The following COL25A1 variants were observed in gnomAD, a reference collection of about 807,000 sequenced individuals.
COL25A1 encodes collagen type XXV alpha 1 chain, also known as collagen alpha-1(XXV) chain.
A neutral mutation model predicts 128.4 loss-of-function variants in COL25A1; 103 were observed. The ratio of observed to expected loss-of-function variants is 0.80; its 90% CI spans 0.68 to 0.94. COL25A1 has a LOEUF of 0.94. COL25A1 is among the 40% of genes least tolerant of loss of function. The pLI is 0.00. For synonymous variants in COL25A1, 279 were observed against 277.2 expected (o/e 1.01, Z -0.06); for missense variants, 745 against 840.0 (o/e 0.89, Z 1.40).
chr4:109,038,886 T>C (rs1759602114), intron 5 of COL25A1, among the ~76,000 whole-genome samples: 1 of 152,186 alleles, frequency 6.6e-6, no homozygotes, highest in East Asian at 1.9e-4. Flanking sequence ...CTTATAGTTC[T>C]TCCTTGAAAC....
intron 3 of COL25A1, among the ~76,000 whole-genome samples, chr4:109,269,296 T>G (rs960592465): frequency 1.8e-4 from 27 of 151,474 alleles, no homozygotes; most frequent in South Asian, 1.0e-3. Context: ...TATTCCATGG[T>G]GTATATATGC....
intron 26 of COL25A1, among the ~76,000 whole-genome samples, chr4:108,852,009 C>A (rs1401004203): frequency 6.6e-6 from 1 of 151,736 alleles, no homozygotes; most frequent in Non-Finnish European, 1.5e-5. Context: ...CAATGTCTTC[C>A]CTAAATTAAA....
At chr4:109,277,871 C>G (rs1201765923) in intron 3 of COL25A1, among the ~76,000 whole-genome samples, 1 of 152,170 alleles carries the variant, frequency 6.6e-6, no homozygotes, top group Non-Finnish European at 1.5e-5. Context: ...CATGGTGGCT[C>G]AAGCCTCTAA....
chr4:108,825,073 G>T, intron 34 of COL25A1, 123 bp downstream of exon 34: 1 of 693,580 alleles, frequency 1.4e-6, no homozygotes, highest in Non-Finnish European at 2.4e-6. Context: ...TACATGCACA[G>T]CAATATATGT....
At chr4:109,135,194 C>A (rs960508093) in intron 3 of COL25A1, among the ~76,000 whole-genome samples, 1 of 151,836 alleles carries the variant, frequency 6.6e-6, no homozygotes, top group African/African-American at 2.4e-5. Flanking sequence ...CTGAGCTTTG[C>A]CAGATGTTCC....
intron 3 of COL25A1, among the ~76,000 whole-genome samples, chr4:109,260,475 G>A (rs139460377): frequency 2.5e-4 from 38 of 151,970 alleles, no homozygotes; most frequent in African/African-American, 8.9e-4. Context: ...GTTTGTTTGG[G>A]ATTTGTTTGG....
intron 3 of COL25A1, among the ~76,000 whole-genome samples, chr4:109,216,237 T>A (rs1477335500): frequency 6.7e-6 from 1 of 150,334 alleles, no homozygotes. Flanking sequence ...GTTCATTTTA[T>A]GTAATGGATG....
chr4:109,013,753 C>T (rs1756929391), intron 5 of COL25A1, among the ~76,000 whole-genome samples: 1 of 152,136 alleles, frequency 6.6e-6, no homozygotes, highest in Admixed American at 6.5e-5. Context: ...GACCACGAAC[C>T]CAACCGAAGG....
chr4:109,019,259 C>T (rs1413536788), intron 5 of COL25A1, among the ~76,000 whole-genome samples: 2 of 151,428 alleles, frequency 1.3e-5, no homozygotes, highest in African/African-American at 4.8e-5. Context: ...ACTGGCTCTC[C>T]TTGCTCCTCA....
chr4:109,043,772 T>G (rs1484670121), intron 5 of COL25A1, among the ~76,000 whole-genome samples: 1 of 152,050 alleles, frequency 6.6e-6, no homozygotes, highest in East Asian at 1.9e-4. Flanking sequence ...CTAAAGTCAT[T>G]TTGTAAATTT....
chr4:109,229,463 C>T (rs144745553), intron 3 of COL25A1, among the ~76,000 whole-genome samples: 380 of 152,268 alleles, frequency 2.5e-3, no homozygotes, highest in African/African-American at 8.7e-3. Flanking sequence ...TAACATTGAA[C>T]TTACTGCCAA....
At chr4:109,135,252 G>A (rs897950870) in intron 3 of COL25A1, among the ~76,000 whole-genome samples, 1 of 152,058 alleles carries the variant, frequency 6.6e-6, no homozygotes, top group Admixed American at 6.6e-5. Flanking sequence ...TGAGGAGTGA[G>A]TAGGAATTGA....
At chr4:109,187,200 TACACACACACAC>T (rs36159924) in intron 3 of COL25A1, among the ~76,000 whole-genome samples, 2 of 147,820 alleles carry the variant, frequency 1.4e-5, no homozygotes, top group Non-Finnish European at 3.0e-5. Context: ...TCTTGCTCTC[TACACACACACAC>T]ACACACACAC....
chr4:109,262,092 G>C (rs1781494671), intron 3 of COL25A1, among the ~76,000 whole-genome samples: 1 of 152,142 alleles, frequency 6.6e-6, no homozygotes. Flanking sequence ...TAAGTGGTTA[G>C]AGAACATGCC....
intron 19 of COL25A1, among the ~76,000 whole-genome samples, chr4:108,872,733 C>T (rs1019564016): frequency 2.0e-5 from 3 of 151,320 alleles, no homozygotes; most frequent in African/African-American, 7.3e-5. Context: ...CACACACATA[C>T]ATATACATAT....
chr4:108,887,382 A>G (rs1459969480), intron 18 of COL25A1, among the ~76,000 whole-genome samples: 2 of 152,150 alleles, frequency 1.3e-5, no homozygotes, highest in African/African-American at 2.4e-5. Flanking sequence ...TATTTTTCTA[A>G]TCTACATCAG....
At chr4:109,176,735 G>A (rs548780722) in intron 3 of COL25A1, among the ~76,000 whole-genome samples, 5 of 152,116 alleles carry the variant, frequency 3.3e-5, no homozygotes, top group Non-Finnish European at 7.4e-5. Flanking sequence ...GGATTAACCA[G>A]GTGCCTCAAA....
chr4:108,972,573 C>T (rs1377892729), intron 8 of COL25A1, among the ~76,000 whole-genome samples: 1 of 152,136 alleles, frequency 6.6e-6, no homozygotes, highest in Admixed American at 6.6e-5. Context: ...TCACCTCTAC[C>T]TTCCAGGACA....
chr4:109,051,644 CACACAG>C lies in COL25A1; in HGVS notation c.368-1471_368-1466del, dbSNP rs1198619766. Among the ~76,000 whole-genome samples the C allele has an allele frequency of 2.6e-5, 4 of 151,520 alleles. No individual in the cohort carries two copies. In the South Asian group the frequency reaches 6.3e-4, roughly 24 times the overall value. ...ATACACACACACACACACACACACA[CACACAG>C]ACATAATCTGATATATAAAACTTCC... On this transcript the variant is annotated intron_variant, in intron 3 of 37. Transcript: ENST00000399132.
Sources: allele counts gnomAD v4.1 joint callset (sites outside exome capture counted in the v4.1 genomes callset), GRCh38; gene constraint gnomAD v4.1.1; transcripts MANE v1.5; gene names NCBI Gene and HGNC (gene_info 2026-07-23, HGNC 2026-07-21).